Variants in RIGI observed in about 807,000 individuals in gnomAD.
RIGI encodes the protein RNA sensor RIG-I, also known as antiviral innate immune response receptor RIG-I.
At chr9:32,459,534 C>T in the RIGI span, 33 of 1,598,622 alleles carry the variant, frequency 2.1e-5, no homozygotes, top group East Asian at 2.2e-4. Flanking sequence ...AAAGAAAGAC[C>T]GCAAATGTAA....
At chr9:32,484,132 G>A in the RIGI span, among the ~76,000 whole-genome samples, 1 of 152,144 alleles carries the variant, frequency 6.6e-6, no homozygotes, top group Non-Finnish European at 1.5e-5. Context: ...GTAGAACCTG[G>A]GTGTTCAGGC....
chr9:32,518,590 C>T, the RIGI span, among the ~76,000 whole-genome samples: 1 of 152,152 alleles, frequency 6.6e-6, no homozygotes, highest in African/African-American at 2.4e-5. Context: ...AGAAATCTGG[C>T]TAATTAACAC....
chr9:32,492,390 C>T, the RIGI span: 1 of 1,614,086 alleles, frequency 6.2e-7, no homozygotes, highest in South Asian at 1.1e-5. Context: ...CAGTGTCTTA[C>T]CTTTCTCTAC....
the RIGI span, among the ~76,000 whole-genome samples, chr9:32,515,864 G>T: frequency 2.6e-5 from 4 of 152,006 alleles, no homozygotes; most frequent in African/African-American, 9.7e-5. Context: ...CTTGGTTTCC[G>T]TGATGCCTCC....
the RIGI span, among the ~76,000 whole-genome samples, chr9:32,475,223 A>G: frequency 2.6e-5 from 4 of 152,300 alleles, no homozygotes; most frequent in East Asian, 7.7e-4. Context: ...AAGTGCTGGG[A>G]TTACAGGTGT....
chr9:32,481,231 A>T, the RIGI span: 1 of 1,115,146 alleles, frequency 9.0e-7, no homozygotes, highest in Non-Finnish European at 1.3e-6. Context: ...AAAGGTTCCT[A>T]AGTGAGCTCT....
chr9:32,515,714 T>A, the RIGI span, among the ~76,000 whole-genome samples: 1 of 152,338 alleles, frequency 6.6e-6, no homozygotes, highest in South Asian at 2.1e-4. Flanking sequence ...TACCTTTACC[T>A]TCATCCCTAT....
chr9:32,477,143 A>T, the RIGI span: 1 of 1,611,698 alleles, frequency 6.2e-7, no homozygotes, highest in South Asian at 1.1e-5. Context: ...TGCAAATGGG[A>T]AACATTTTAT....
the RIGI span, among the ~76,000 whole-genome samples, chr9:32,511,427 C>T: frequency 5.9e-5 from 9 of 152,176 alleles, no homozygotes; most frequent in Non-Finnish European, 1.2e-4. Context: ...GATTAAGAAA[C>T]TCACTCAAAA....
At chr9:32,473,503 T>G in the RIGI span, among the ~76,000 whole-genome samples, 1 of 152,044 alleles carries the variant, frequency 6.6e-6, no homozygotes, top group Non-Finnish European at 1.5e-5. Flanking sequence ...GCCAGGCTGG[T>G]CTTGAATTCC....
the RIGI span, among the ~76,000 whole-genome samples, chr9:32,470,569 T>G: frequency 6.6e-6 from 1 of 152,174 alleles, no homozygotes; most frequent in Non-Finnish European, 1.5e-5. Context: ...AAGCAGGCAG[T>G]GAGCCAGATT....
the RIGI span, among the ~76,000 whole-genome samples, chr9:32,465,741 A>T: frequency 6.6e-6 from 1 of 152,146 alleles, no homozygotes; most frequent in Admixed American, 6.5e-5. Flanking sequence ...TTCTGAGATG[A>T]AAATCTCTGC....
the RIGI span, chr9:32,487,713 C>T: frequency 6.5e-7 from 1 of 1,532,820 alleles, no homozygotes; most frequent in Admixed American, 1.9e-5. Context: ...CTCTTTCCTG[C>T]TGGGGTAGGG....
At chr9:32,494,018 C>G in the RIGI span, 1 of 1,164,676 alleles carries the variant, frequency 8.6e-7, no homozygotes, top group Non-Finnish European at 1.2e-6. Context: ...TCATAGAAAT[C>G]ATGTTTGAAT....
At chr9:32,525,787 T>A in the RIGI span, among the ~76,000 whole-genome samples, 1 of 97,992 alleles carries the variant, frequency 1.0e-5, no homozygotes, top group African/African-American at 4.0e-5. Context: ...TTAGTGAAAA[T>A]AAATGAAACA....
the RIGI span, chr9:32,491,290 A>T: frequency 5.0e-6 from 8 of 1,612,714 alleles, no homozygotes; most frequent in African/African-American, 1.3e-5. Context: ...AGGACAAACA[A>T]TACCAGGTAC....
chr9:32,506,184 C>T, the RIGI span, among the ~76,000 whole-genome samples: 1 of 152,180 alleles, frequency 6.6e-6, no homozygotes, highest in African/African-American at 2.4e-5. Context: ...CGCCACTGCA[C>T]TCCAGCATAG....
the RIGI span, chr9:32,487,825 A>G: frequency 2.8e-5 from 37 of 1,328,928 alleles, no homozygotes; most frequent in Non-Finnish European, 3.8e-5. Flanking sequence ...ATTCATAATG[A>G]GTTGTACAAT....
chr9:32,493,584 T>C, the RIGI span, among the ~76,000 whole-genome samples: 1 of 151,950 alleles, frequency 6.6e-6, no homozygotes, highest in Admixed American at 6.6e-5. Context: ...GATCACACCA[T>C]TGCACTCCAG....
Sources: allele counts gnomAD v4.1 joint callset (sites outside exome capture counted in the v4.1 genomes callset), GRCh38; gene constraint gnomAD v4.1.1; transcripts MANE v1.5; gene names NCBI Gene and HGNC (gene_info 2026-07-23, HGNC 2026-07-21).